Variants in CA10 observed in about 807,000 individuals in gnomAD.
The protein encoded by CA10 is carbonic anhydrase-related protein 10.
In CA10, 14 loss-of-function variants were observed where a neutral mutation model predicts 44.2. The observed-to-expected ratio is 0.32, with a 90% CI of 0.21 to 0.50. The LOEUF is 0.50. CA10 is among the 20% of genes least tolerant of loss of function. The probability of loss-of-function intolerance (pLI) is 0.99; values close to 1 mark genes in which losing one functional copy is unlikely to be tolerated. For synonymous variants in CA10, 159 were observed against 141.6 expected, an observed-to-expected ratio of 1.12 and a Z score of -0.87; for missense variants, 350 against 409.7, an observed-to-expected ratio of 0.85 and a Z score of 1.26.
At chr17:51,832,998 G>A (rs1158861316) in intron 3 of CA10, among the ~76,000 whole-genome samples, 1 of 152,168 alleles carries the variant, frequency 6.6e-6, no homozygotes, top group Admixed American at 6.5e-5. Context: ...AAAATTCTAT[G>A]AGAGCTACAG....
intron 2 of CA10, among the ~76,000 whole-genome samples, chr17:52,036,846 T>C (rs530019542): frequency 6.6e-6 from 1 of 152,308 alleles, no homozygotes; most frequent in Non-Finnish European, 1.5e-5. Context: ...GTTATTATTA[T>C]AGCCAGTGAT....
chr17:51,825,661 TTC>T (rs1445968934), intron 3 of CA10, among the ~76,000 whole-genome samples: 17 of 152,202 alleles, frequency 1.1e-4, no homozygotes, highest in African/African-American at 3.1e-4. Flanking sequence ...TTTTGCACGT[TTC>T]TGTTTTCAAT....
intron 4 of CA10, among the ~76,000 whole-genome samples, chr17:51,690,131 AGACATGGGGTTTTACCATGTTG>A: frequency 6.6e-6 from 1 of 152,224 alleles, no homozygotes; most frequent in Non-Finnish European, 1.5e-5. Context: ...TATTTTTAGT[AGACATGGGGTTTTACCATGTTG>A]GCCAGGCTGA....
intron 2 of CA10, among the ~76,000 whole-genome samples, chr17:51,949,505 C>T (rs1471793948): frequency 6.6e-6 from 1 of 152,160 alleles, no homozygotes; most frequent in Non-Finnish European, 1.5e-5. Flanking sequence ...GAAATTTCTA[C>T]ACTTTGATTC....
Position 51,931,260 on chromosome 17 carries a change from C to T in CA10, c.137-128G>A, listed in dbSNP as rs1982647789. ...ACCAAATGTTCCCACCCATGGAGAT[C>T]CTTGGGGGTTGCTATGGTATTTTCC... On this transcript the variant is annotated intron_variant, in intron 2 of 8. Transcript: ENST00000451037. 9 of 844,316 alleles carry T rather than the reference C, an allele frequency of 1.1e-5. No homozygotes were observed. The East Asian group carries it at 2.3e-4, about 22-fold the overall frequency. 52.3% of individuals were successfully genotyped at this position (844,316 alleles called of 1,614,324 possible).
At chr17:51,880,964 CG>C (rs11311152) in intron 3 of CA10, among the ~76,000 whole-genome samples, 152,206 of 152,206 alleles carry the variant, frequency 1, 76,103 homozygotes, top group Non-Finnish European at 1. Context: ...CGGCCGGGCG[CG>C]GGTGGCTCAC....
intron 2 of CA10, among the ~76,000 whole-genome samples, chr17:52,019,770 A>G (rs1176968813): frequency 6.6e-6 from 1 of 152,072 alleles, no homozygotes; most frequent in African/African-American, 2.4e-5. Context: ...GTAATTTCCA[A>G]TGTAATTGCT....
chr17:51,838,063 A>C lies in CA10; in HGVS notation c.280-90245T>G, dbSNP rs79613296. Among the ~76,000 whole-genome samples the C allele has an allele frequency of 9.6e-3, 1,465 of 152,322 alleles. 24 individuals carry two copies. The highest frequency in any genetic ancestry group is 0.032 in the African/African-American group (1,312 of 41,576). ...ATTAATTACCTTGTTTAAAACTCTT[A>C]TGAAGTAGGTGGTGCAGGTATTATG... On this transcript the variant is annotated intron_variant, in intron 3 of 8. Transcript: ENST00000451037.
At chr17:51,705,884 G>C (rs1915748636) in intron 4 of CA10, among the ~76,000 whole-genome samples, 1 of 152,178 alleles carries the variant, frequency 6.6e-6, no homozygotes, top group Admixed American at 6.5e-5. Context: ...CTGCCACTGT[G>C]CAAGGTAGGG....
chr17:52,039,287 C>A (rs1343470943), intron 2 of CA10, among the ~76,000 whole-genome samples: 1 of 151,522 alleles, frequency 6.6e-6, no homozygotes, highest in Non-Finnish European at 1.5e-5. Context: ...AGTTCCTATT[C>A]TCACTGTTGA....
chr17:52,136,475 C>T (rs1464119240), intron 1 of CA10, among the ~76,000 whole-genome samples: 1 of 152,166 alleles, frequency 6.6e-6, no homozygotes, highest in Non-Finnish European at 1.5e-5. Flanking sequence ...AGGAGCAAAA[C>T]ACTTGTGTGC....
At chr17:51,810,211 T>A (rs757514740) in intron 3 of CA10, among the ~76,000 whole-genome samples, 1 of 152,228 alleles carries the variant, frequency 6.6e-6, no homozygotes, top group African/African-American at 2.4e-5. Flanking sequence ...ATTGCTTATC[T>A]CTTTTCATTA....
At chr17:52,134,903 A>G (rs764824190) in intron 1 of CA10, 1 of 518,820 alleles carries the variant, frequency 1.9e-6, no homozygotes, top group Admixed American at 1.9e-5. Flanking sequence ...CCCACCATAC[A>G]CAGTTCATCA....
At chr17:52,101,560 G>C (rs531162721) in intron 1 of CA10, among the ~76,000 whole-genome samples, 2 of 152,318 alleles carry the variant, frequency 1.3e-5, no homozygotes, top group South Asian at 4.1e-4. Context: ...AAGGGCAGCT[G>C]TTCCTGTGTG....
At position 51,905,050 on chromosome 17, in the gene CA10, T is replaced by C. The variant is rs572377387; in HGVS notation, c.279+25940A>G. On this transcript the variant is annotated intron_variant, in intron 3 of 8. Transcript: ENST00000451037. ...CTCTCACATTCAGCACGATAGATAA[T>C]TGTAAGGCATACAAGAATTTCAACC... Among the ~76,000 whole-genome samples the C allele has an allele frequency of 2.0e-5, 3 of 152,296 alleles. No homozygotes were observed. The South Asian group carries it at 6.2e-4, about 32-fold the overall frequency.
chr17:52,151,267 C>A (rs537990078), intron 1 of CA10, among the ~76,000 whole-genome samples: 3 of 152,236 alleles, frequency 2.0e-5, no homozygotes, highest in South Asian at 2.1e-4. Flanking sequence ...AACCTATCCA[C>A]TCCATATGCC....
At chr17:51,986,579 G>T (rs1984844187) in intron 2 of CA10, among the ~76,000 whole-genome samples, 1 of 152,026 alleles carries the variant, frequency 6.6e-6, no homozygotes, top group African/African-American at 2.4e-5. Flanking sequence ...ACAACCTACA[G>T]AGTGGGAGAA....
At chr17:51,819,816 C>T (rs1319712221) in intron 3 of CA10, among the ~76,000 whole-genome samples, 2 of 152,276 alleles carry the variant, frequency 1.3e-5, no homozygotes, top group Middle Eastern at 3.4e-3. Flanking sequence ...CCAGACTCAG[C>T]CTCCAGAGCT....
At chr17:51,908,516 G>A (rs1440109981) in intron 3 of CA10, among the ~76,000 whole-genome samples, 1 of 152,160 alleles carries the variant, frequency 6.6e-6, no homozygotes, top group Admixed American at 6.5e-5. Context: ...CTGCCTGCTA[G>A]ATTTGATTTT....
Sources: allele counts gnomAD v4.1 joint callset (sites outside exome capture counted in the v4.1 genomes callset), GRCh38; gene constraint gnomAD v4.1.1; transcripts MANE v1.5; gene names NCBI Gene and HGNC (gene_info 2026-07-23, HGNC 2026-07-21).